L2HGDH: variants seen among roughly 807,000 people sequenced by gnomAD.
The protein encoded by L2HGDH is L-2-hydroxyglutarate dehydrogenase, mitochondrial.
A neutral mutation model predicts 51.5 loss-of-function variants in L2HGDH; 34 were observed. That is an observed-to-expected ratio of 0.66 (90% CI 0.50 to 0.88). The LOEUF is 0.88. Among genes scored for constraint, L2HGDH ranks in the 40% least tolerant of loss-of-function variants. The pLI is 0.00. For missense variants in L2HGDH, 558 were observed against 571.9 expected (o/e 0.98, Z 0.25); for synonymous variants, 198 against 197.9 (o/e 1.00, Z -0.01).
Position 50,265,501 on chromosome 14 carries a change from GA to G in L2HGDH, c.1065-13del. 1 of 1,605,966 alleles carries G rather than the reference GA, an allele frequency of 6.2e-7. No homozygotes were observed. The highest frequency in any genetic ancestry group is 8.5e-7 in the Non-Finnish European group (1 of 1,175,740). Reference sequence around the variant, plus strand: ...GTTTAATCAAGCCACTGAAAACAGAGAAAAAAAATCTTTATGAGAGAAAGGA... The same window carrying G: ...GTTTAATCAAGCCACTGAAAACAGAGAAAAAAATCTTTATGAGAGAAAGGA... On this transcript the variant is annotated splice_polypyrimidine_tract_variant and intron_variant, in intron 8 of 9. Coordinates refer to ENST00000267436, the MANE Select transcript of L2HGDH (RefSeq NM_024884.3).
chr14:50,259,399 C>T (rs1332051214), intron 9 of L2HGDH, among the ~76,000 whole-genome samples: 1 of 135,168 alleles, frequency 7.4e-6, no homozygotes. Flanking sequence ...AATGGGGTCT[C>T]ACTATGTCAC....
chr14:50,290,719 A>G (rs1476916597), intron 4 of L2HGDH, among the ~76,000 whole-genome samples: 1 of 151,984 alleles, frequency 6.6e-6, no homozygotes, highest in African/African-American at 2.4e-5. Flanking sequence ...GCTTGAGTGC[A>G]GTGGCACAAT....
At chr14:50,275,897 T>C (rs1439295640) in intron 6 of L2HGDH, among the ~76,000 whole-genome samples, 1 of 152,196 alleles carries the variant, frequency 6.6e-6, no homozygotes, top group African/African-American at 2.4e-5. Context: ...CTAGAGGTCT[T>C]AGTTCCCAAG....
chr14:50,245,373 C>T lies in L2HGDH; in HGVS notation c.*1685G>A. On this transcript the variant is annotated 3_prime_UTR_variant, in exon 10 of 10. Coordinates refer to ENST00000267436, the MANE Select transcript of L2HGDH (RefSeq NM_024884.3). The stretch of plus-strand genomic sequence containing the variant: ...CTTCTAAGTTATTTCAGTTCTCAGC[C>T]ACAGAGATTGAAGAACAGGACAACC... 2 of 985,362 alleles carry T rather than the reference C, an allele frequency of 2.0e-6. No individual in the cohort carries two copies. The highest frequency in any genetic ancestry group is 9.4e-5 in the South Asian group (2 of 21,278). The allele number at this position is 985,362 out of a possible 1,614,324, so 61.0% of individuals were successfully genotyped here. A position where few individuals can be genotyped will look rare whatever the true frequency, so the allele number is the denominator to read the frequency against.
intron 6 of L2HGDH, among the ~76,000 whole-genome samples, chr14:50,277,825 T>C (rs957999668): frequency 6.1e-5 from 8 of 131,852 alleles, no homozygotes; most frequent in African/African-American, 2.3e-4. Flanking sequence ...ATAATAATAA[T>C]AATCTGGTGG....
At chr14:50,306,686 C>T (rs1335909978) in intron 1 of L2HGDH, among the ~76,000 whole-genome samples, 1 of 149,142 alleles carries the variant, frequency 6.7e-6, no homozygotes, top group Admixed American at 6.7e-5. Context: ...TGGTGGATAG[C>T]GGGAGTAGAG....
At chr14:50,271,176 T>A (rs1347900452) in intron 6 of L2HGDH, among the ~76,000 whole-genome samples, 1 of 152,210 alleles carries the variant, frequency 6.6e-6, no homozygotes, top group African/African-American at 2.4e-5. Flanking sequence ...TCTAAATAGG[T>A]TAATATCTTT....
At position 50,302,891 on chromosome 14, in the gene L2HGDH, T is replaced by A; in HGVS notation, c.256+11A>T. The A allele has an allele frequency of 6.4e-7, 1 of 1,557,754 alleles. No homozygotes were observed. On this transcript the variant is annotated intron_variant, in intron 2 of 9. Coordinates refer to ENST00000267436, the MANE Select transcript of L2HGDH (RefSeq NM_024884.3). The stretch of plus-strand genomic sequence containing the variant: ...AGTAAGCCCAAAGAACAACATTGAT[T>A]ATATACATACCTAAATCTTTCTCCT...
At position 50,253,474 on chromosome 14, in the gene L2HGDH, C is replaced by T. The variant is rs1320506208; in HGVS notation, c.1197-6221G>A. 3.3e-5 allele frequency among the ~76,000 whole-genome samples: 5 copies of T among 152,146 alleles called. No individual in the cohort carries two copies. The South Asian group carries it at 1.0e-3, about 31-fold the overall frequency. On this transcript the variant is annotated intron_variant, in intron 9 of 9. Transcript: ENST00000267436. ...ATCATCAGAGAAATGCAAATCAAAA[C>T]TACCAGGAGATACCATCTCACCTCA... is the stretch of plus-strand genomic sequence containing the variant.
At position 50,246,922 on chromosome 14, in the gene L2HGDH, T is replaced by C. The variant is rs1888036133; in HGVS notation, c.*136A>G. ...AGAAAATTATTATTTCTATGTTACA[T>C]CATTTTAACAATGCAGTGGTTATCT... On this transcript the variant is annotated 3_prime_UTR_variant, in exon 10 of 10. Coordinates refer to ENST00000267436, the MANE Select transcript of L2HGDH (RefSeq NM_024884.3). The C allele has an allele frequency of 3.0e-6, 4 of 1,345,780 alleles. No homozygotes were observed. The highest frequency in any genetic ancestry group is 5.6e-5 in the Admixed American group (2 of 35,656). 83.4% of individuals were successfully genotyped at this position (1,345,780 alleles called of 1,614,324 possible). A position where few individuals can be genotyped will look rare whatever the true frequency, so the allele number is the denominator to read the frequency against.
rs957087633 is a variant in L2HGDH, at chr14:50,298,875, A to C, written c.408+3142T>G. ...AAAGTTTATAGCTATAAGCACCTAC[A>C]TCAAAAAAGTAGAAGAACTTCATAT... On this transcript the variant is annotated intron_variant, in intron 3 of 9. Transcript: ENST00000267436. Among the ~76,000 whole-genome samples the C allele has an allele frequency of 3.9e-5, 6 of 152,326 alleles. No individual in the cohort carries two copies. The East Asian group carries it at 1.2e-3, about 29-fold the overall frequency.
chr14:50,258,172 T>C (rs1888789866), intron 9 of L2HGDH, among the ~76,000 whole-genome samples: 2 of 152,036 alleles, frequency 1.3e-5, no homozygotes, highest in Non-Finnish European at 2.9e-5. Context: ...ACAGCCAATC[T>C]TGTTTCATCT....
chr14:50,294,259 A>T lies in L2HGDH; in HGVS notation c.409-13T>A, dbSNP rs367642018. On this transcript the variant is annotated splice_polypyrimidine_tract_variant and intron_variant, in intron 3 of 9. Coordinates refer to ENST00000267436, the MANE Select transcript of L2HGDH (RefSeq NM_024884.3). ...CAGCTACTATAAGCTTCAAAAAAAAAAAGGTAAGGAGCATGGATAGAGGTG... is the reference window on the plus strand; with the variant it reads ...CAGCTACTATAAGCTTCAAAAAAAATAAGGTAAGGAGCATGGATAGAGGTG... 1 of 1,610,754 alleles carries T rather than the reference A, an allele frequency of 6.2e-7. No individual in the cohort carries two copies. The highest frequency in any genetic ancestry group is 8.5e-7 in the Non-Finnish European group (1 of 1,179,406).
chr14:50,243,366 TA>T lies in L2HGDH; in HGVS notation c.*3691del. 1 of 984,370 alleles carries T rather than the reference TA, an allele frequency of 1.0e-6. No individual in the cohort carries two copies. The highest frequency in any genetic ancestry group is 1.2e-6 in the Non-Finnish European group (1 of 829,040). 61.0% of individuals were successfully genotyped at this position (984,370 alleles called of 1,614,324 possible). A position where few individuals can be genotyped will look rare whatever the true frequency, so the allele number is the denominator to read the frequency against. On this transcript the variant is annotated 3_prime_UTR_variant, in exon 10 of 10. Transcript: ENST00000267436. ...TATACTAACACAGAAATGAGTTTTT[TA>T]AAAAGGTTGGCTGCTATCTATCTAA...
At chr14:50,253,495 C>T (rs567623863) in intron 9 of L2HGDH, among the ~76,000 whole-genome samples, 1 of 152,222 alleles carries the variant, frequency 6.6e-6, no homozygotes, top group Non-Finnish European at 1.5e-5. Context: ...TACCATCTCA[C>T]CTCAGTTAAA....
chr14:50,275,710 C>T (rs1304552048), intron 6 of L2HGDH, among the ~76,000 whole-genome samples: 2 of 152,216 alleles, frequency 1.3e-5, no homozygotes, highest in Non-Finnish European at 2.9e-5. Context: ...GGGCAATGTC[C>T]TCCAGGATGC....
At chr14:50,262,104 G>A (rs1748213393) in intron 9 of L2HGDH, among the ~76,000 whole-genome samples, 1 of 152,158 alleles carries the variant, frequency 6.6e-6, no homozygotes, top group South Asian at 2.1e-4. Flanking sequence ...AGACAAAGGA[G>A]ACAAGGCAGG....
In L2HGDH at chr14:50,244,311, T is replaced by C; in HGVS notation, c.*2747A>G. Reference sequence around the variant, plus strand: ...TACAGTCCCACCAACAGTGTAAAAGTGTTCCTATTTCTCCACATCCTCTCC... The same window carrying C: ...TACAGTCCCACCAACAGTGTAAAAGCGTTCCTATTTCTCCACATCCTCTCC... On this transcript the variant is annotated 3_prime_UTR_variant, in exon 10 of 10. Transcript: ENST00000267436. 1.3e-6 allele frequency: 1 copy of C among 799,076 alleles called. No homozygotes were observed. Among genetic ancestry groups the C allele is most frequent in the African/African-American group, 1.9e-5 (1 of 53,612 alleles). The allele number at this position is 799,076 out of a possible 1,614,324, so 49.5% of individuals were successfully genotyped here. A position where few individuals can be genotyped will look rare whatever the true frequency, so the allele number is the denominator to read the frequency against.
At chr14:50,264,879 T>G (rs972395510) in intron 9 of L2HGDH, among the ~76,000 whole-genome samples, 1 of 151,838 alleles carries the variant, frequency 6.6e-6, no homozygotes, top group African/African-American at 2.4e-5. Context: ...ACCTAAAAGG[T>G]TTTTTTTAAG....
Sources: allele counts gnomAD v4.1 joint callset (sites outside exome capture counted in the v4.1 genomes callset), GRCh38; gene constraint gnomAD v4.1.1; transcripts MANE v1.5; gene names NCBI Gene and HGNC (gene_info 2026-07-23, HGNC 2026-07-21).